DYM: variants seen among roughly 807,000 people sequenced by gnomAD.
DYM encodes dymeclin.
DYM carries 78 observed loss-of-function variants against 93.1 expected under a neutral mutation model. That is an observed-to-expected ratio of 0.84 (90% CI 0.70 to 1.01). The LOEUF is 1.01. DYM is among the 50% of genes least tolerant of loss of function. The pLI is 0.00. For synonymous variants in DYM, 321 were observed against 319.7 expected, an observed-to-expected ratio of 1.00 and a Z score of -0.04; for missense variants, 789 against 845.0, an observed-to-expected ratio of 0.93 and a Z score of 0.82.
intron 15 of DYM, among the ~76,000 whole-genome samples, chr18:49,124,343 A>G (rs1223600863): frequency 1.3e-5 from 2 of 151,822 alleles, no homozygotes; most frequent in Non-Finnish European, 2.9e-5. Flanking sequence ...ATCTCTATAA[A>G]AAACTTAAAA....
At chr18:49,328,154 C>T (rs1427440356) in intron 8 of DYM, among the ~76,000 whole-genome samples, 1 of 152,166 alleles carries the variant, frequency 6.6e-6, no homozygotes, top group Non-Finnish European at 1.5e-5. Context: ...ATGAGATGCT[C>T]AAAACGTGGC....
At chr18:49,433,809 A>C (rs1255222762) in intron 1 of DYM, among the ~76,000 whole-genome samples, 3 of 152,200 alleles carry the variant, frequency 2.0e-5, no homozygotes, top group African/African-American at 7.2e-5. Context: ...TGGAGATTGC[A>C]GTGAGCCGAG....
chr18:49,136,438 T>A (rs1174234590), intron 15 of DYM, among the ~76,000 whole-genome samples: 1 of 152,202 alleles, frequency 6.6e-6, no homozygotes, highest in Non-Finnish European at 1.5e-5. Context: ...GTTTTTATAA[T>A]GAATTTAGTC....
At chr18:49,204,182 AAGT>A (rs2092346637) in intron 14 of DYM, among the ~76,000 whole-genome samples, 1 of 152,250 alleles carries the variant, frequency 6.6e-6, no homozygotes. Flanking sequence ...GATCCTGGCA[AAGT>A]ATTAACTAGT....
intron 2 of DYM, among the ~76,000 whole-genome samples, chr18:49,408,195 T>C (rs1045465718): frequency 1.3e-5 from 2 of 152,254 alleles, no homozygotes; most frequent in Non-Finnish European, 2.9e-5. Context: ...CATGGTTTTA[T>C]AACTGGCTTT....
Position 49,394,494 on chromosome 18 carries a change from G to A in DYM, c.141-2849C>T, listed in dbSNP as rs188677018. 2.0e-4 allele frequency among the ~76,000 whole-genome samples: 31 copies of A among 152,132 alleles called. No homozygotes were observed. In the East Asian group the frequency reaches 5.6e-3, roughly 27 times the overall value. On this transcript the variant is annotated intron_variant, in intron 2 of 17. Coordinates refer to ENST00000675505, the MANE Select transcript of DYM (RefSeq NM_001353214.3). ...CTCCAGATTTGCTCTTTTTGCTCAAGATTGCTTTGGCTATTCTGGGTCTTC... is the reference window on the plus strand; with the variant it reads ...CTCCAGATTTGCTCTTTTTGCTCAAAATTGCTTTGGCTATTCTGGGTCTTC...
At chr18:49,243,457 G>C (rs545703956) in intron 13 of DYM, among the ~76,000 whole-genome samples, 32 of 152,218 alleles carry the variant, frequency 2.1e-4, no homozygotes, top group Non-Finnish European at 4.1e-4. Context: ...TTGAGGCCAG[G>C]AGTTCGAGAC....
rs956133770 is a variant in DYM, at chr18:49,390,167, T to C, written c.193+1426A>G. On this transcript the variant is annotated intron_variant, in intron 3 of 17. Transcript: ENST00000675505. ...CAGGCACGGTGGCTAACACCTGTAA[T>C]ATCCCAACACTTTGGGGGTCCAAGG... 3.3e-5 allele frequency among the ~76,000 whole-genome samples: 5 copies of C among 152,208 alleles called. 1 individual carries two copies. Among genetic ancestry groups the C allele is most frequent in the Non-Finnish European group, 7.3e-5 (5 of 68,040 alleles).
intron 5 of DYM, among the ~76,000 whole-genome samples, chr18:49,363,634 C>G (rs1205391074): frequency 6.6e-6 from 1 of 152,146 alleles, no homozygotes; most frequent in South Asian, 2.1e-4. Flanking sequence ...TTTATCCCTC[C>G]CTCCCCAACA....
intron 15 of DYM, among the ~76,000 whole-genome samples, chr18:49,153,426 A>G (rs974621078): frequency 1.3e-5 from 2 of 152,178 alleles, no homozygotes; most frequent in African/African-American, 4.8e-5. Flanking sequence ...AAGTAAATAT[A>G]AAGATCTTGA....
intron 13 of DYM, among the ~76,000 whole-genome samples, chr18:49,214,088 A>G (rs2092919544): frequency 6.6e-6 from 1 of 152,172 alleles, no homozygotes; most frequent in African/African-American, 2.4e-5. Flanking sequence ...AAATGTACCA[A>G]CACGAAATGC....
chr18:49,081,041 C>G (rs1454868001), intron 17 of DYM, among the ~76,000 whole-genome samples: 1 of 149,962 alleles, frequency 6.7e-6, no homozygotes, highest in Non-Finnish European at 1.5e-5. Context: ...GGCAGAGGGG[C>G]TCCTCACGTC....
intron 8 of DYM, among the ~76,000 whole-genome samples, chr18:49,310,173 T>C (rs1230107024): frequency 6.6e-6 from 1 of 152,224 alleles, no homozygotes; most frequent in Non-Finnish European, 1.5e-5. Flanking sequence ...TGTATCAAAT[T>C]TGTAATGGCA....
chr18:49,443,266 A>T (rs2081819423), intron 1 of DYM, among the ~76,000 whole-genome samples: 1 of 152,228 alleles, frequency 6.6e-6, no homozygotes, highest in Admixed American at 6.5e-5. Flanking sequence ...AGCCATGCTC[A>T]TTTGTTTACA....
intron 15 of DYM, among the ~76,000 whole-genome samples, chr18:49,157,484 C>T (rs977463356): frequency 2.0e-5 from 3 of 152,118 alleles, no homozygotes; most frequent in Non-Finnish European, 2.9e-5. Context: ...TATTATTTGT[C>T]TTTTTGGTTC....
At chr18:49,204,783 A>G (rs955595330) in intron 14 of DYM, among the ~76,000 whole-genome samples, 4 of 152,228 alleles carry the variant, frequency 2.6e-5, no homozygotes, top group African/African-American at 9.6e-5. Context: ...GAAATTCTCA[A>G]GCGCTTACTC....
intron 11 of DYM, among the ~76,000 whole-genome samples, chr18:49,258,981 C>CAA (rs531963442): frequency 0.011 from 1,585 of 140,656 alleles, 48 homozygotes; most frequent in African/African-American, 0.029. Flanking sequence ...GGGGAAAAAA[C>CAA]AAAAAAAAAA....
At chr18:49,247,327 T>TA (rs2094193639) in intron 13 of DYM, among the ~76,000 whole-genome samples, 1 of 152,180 alleles carries the variant, frequency 6.6e-6, no homozygotes, top group East Asian at 1.9e-4. Context: ...ATAAAAAATA[T>TA]AAAAAAAGGA....
chr18:49,344,726 C>A (rs2064439956), intron 6 of DYM, among the ~76,000 whole-genome samples: 1 of 151,648 alleles, frequency 6.6e-6, no homozygotes, highest in Non-Finnish European at 1.5e-5. Context: ...GACCTGAATC[C>A]ATACCACAGA....
Sources: gnomAD v4.1 joint callset for allele counts (sites outside exome capture counted in the v4.1 genomes callset) on GRCh38, gnomAD v4.1.1 for gene constraint, MANE v1.5 for transcripts, NCBI Gene and HGNC (gene_info 2026-07-23, HGNC 2026-07-21) for gene names.